Variants in GALNT17 observed in about 807,000 individuals in gnomAD.
GALNT17 encodes UDP-GalNAc:polypeptide N-acetylgalactosaminyltransferase-like 3.
Under a neutral mutation model 63.7 loss-of-function variants are expected in GALNT17, and 29 were observed. The observed-to-expected ratio is 0.46, with a 90% confidence interval of 0.34 to 0.62. The LOEUF (loss-of-function observed/expected upper bound fraction) is 0.62. Ranked by LOEUF, GALNT17 falls within the 20% of genes least tolerant of loss-of-function variation. GALNT17 has a pLI of 0.01. For synonymous variants in GALNT17, 305 were observed against 318.3 expected, an observed-to-expected ratio of 0.96 and a Z score of 0.45; for missense variants, 603 against 799.6, an observed-to-expected ratio of 0.75 and a Z score of 2.97.
intron 6 of GALNT17, among the ~76,000 whole-genome samples, chr7:71,655,280 T>C (rs1292477087): frequency 6.6e-6 from 1 of 151,970 alleles, no homozygotes; most frequent in Non-Finnish European, 1.5e-5. Context: ...AAGAAAAAGA[T>C]TCAAAAAACT....
chr7:71,146,318 A>G (rs541049767), intron 1 of GALNT17, among the ~76,000 whole-genome samples: 2 of 152,288 alleles, frequency 1.3e-5, no homozygotes, highest in East Asian at 1.9e-4. Flanking sequence ...GGCCAGTGCC[A>G]GTCTCGGGTC....
rs796135022 is a variant in GALNT17, at chr7:71,441,329, C to T, written c.962+20224C>T. ...GGAAGTCAATCATGAGTACCGATAT[C>T]AGAGCCTGCAGAGCCTTCTCTTCCA... On this transcript the variant is annotated intron_variant, in intron 5 of 10. Transcript: ENST00000333538. 2.8e-4 allele frequency among the ~76,000 whole-genome samples: 42 copies of T among 152,300 alleles called. 1 individual carries two copies. The highest frequency in any genetic ancestry group is 9.6e-4 in the African/African-American group (40 of 41,576).
At chr7:71,472,942 A>C (rs1215210411) in intron 5 of GALNT17, among the ~76,000 whole-genome samples, 3 of 152,184 alleles carry the variant, frequency 2.0e-5, no homozygotes, top group Admixed American at 2.0e-4. Context: ...GGTCCCAAGA[A>C]AGTGTGCCCA....
chr7:71,254,218 G>A (rs937811532), intron 1 of GALNT17, among the ~76,000 whole-genome samples: 8 of 152,188 alleles, frequency 5.3e-5, no homozygotes, highest in Non-Finnish European at 8.8e-5. Context: ...ATAGAAAGGA[G>A]CATTTGGGTT....
intron 6 of GALNT17, among the ~76,000 whole-genome samples, chr7:71,600,790 G>C (rs1268549430): frequency 1.3e-5 from 2 of 150,948 alleles, no homozygotes; most frequent in African/African-American, 4.9e-5. Context: ...ATAAGTTATT[G>C]GGGTACAGGT....
At chr7:71,574,255 C>T (rs1789499299) in intron 6 of GALNT17, among the ~76,000 whole-genome samples, 1 of 152,134 alleles carries the variant, frequency 6.6e-6, no homozygotes, top group Non-Finnish European at 1.5e-5. Context: ...TTTGGGGATT[C>T]CTCACTCCTT....
intron 6 of GALNT17, among the ~76,000 whole-genome samples, chr7:71,630,878 C>T (rs999716500): frequency 3.3e-5 from 5 of 152,202 alleles, no homozygotes; most frequent in Non-Finnish European, 7.3e-5. Context: ...AGATAGGCCA[C>T]GTCGTTAGAA....
intron 1 of GALNT17, among the ~76,000 whole-genome samples, chr7:71,182,981 TAGAAC>T (rs1198150773): frequency 6.6e-6 from 1 of 152,192 alleles, no homozygotes; most frequent in African/African-American, 2.4e-5. Context: ...AATTGTTTCT[TAGAAC>T]AGACCGTGTA....
chr7:71,260,150 G>T (rs1333469152), intron 1 of GALNT17, among the ~76,000 whole-genome samples: 3 of 152,126 alleles, frequency 2.0e-5, no homozygotes, highest in African/African-American at 7.2e-5. Context: ...CTAACTGCTG[G>T]TGCTACCTGA....
intron 1 of GALNT17, among the ~76,000 whole-genome samples, chr7:71,212,469 A>C (rs1585885083): frequency 6.6e-6 from 1 of 152,230 alleles, no homozygotes; most frequent in African/African-American, 2.4e-5. Flanking sequence ...TGGAGCCCCC[A>C]CACAGAGTCC....
intron 6 of GALNT17, among the ~76,000 whole-genome samples, chr7:71,657,442 A>G (rs1266577831): frequency 1.3e-5 from 2 of 152,210 alleles, no homozygotes; most frequent in Non-Finnish European, 2.9e-5. Flanking sequence ...TGAACCAGTC[A>G]TGTTGGCTTT....
intron 1 of GALNT17, among the ~76,000 whole-genome samples, chr7:71,225,843 T>G (rs541793492): frequency 6.6e-6 from 1 of 152,320 alleles, no homozygotes; most frequent in East Asian, 1.9e-4. Context: ...ATGCAGCCAT[T>G]AAACAATGAT....
At chr7:71,415,267 A>G (rs1583932326) in intron 3 of GALNT17, among the ~76,000 whole-genome samples, 1 of 152,278 alleles carries the variant, frequency 6.6e-6, no homozygotes, top group Admixed American at 6.5e-5. Context: ...TAGCCTCCCT[A>G]AGATTATGTC....
chr7:71,150,213 T>G (rs909024844), intron 1 of GALNT17, among the ~76,000 whole-genome samples: 1 of 152,132 alleles, frequency 6.6e-6, no homozygotes, highest in Non-Finnish European at 1.5e-5. Flanking sequence ...AGAACATGTT[T>G]TTTTCTTATG....
At chr7:71,323,525 G>A (rs1791652974) in intron 1 of GALNT17, among the ~76,000 whole-genome samples, 1 of 152,132 alleles carries the variant, frequency 6.6e-6, no homozygotes, top group African/African-American at 2.4e-5. Flanking sequence ...ATAACCTTTG[G>A]ACATCATGTC....
chr7:71,182,462 T>A (rs1480197973), intron 1 of GALNT17, among the ~76,000 whole-genome samples: 1 of 152,194 alleles, frequency 6.6e-6, no homozygotes, highest in Admixed American at 6.5e-5. Context: ...TTCACCTTTA[T>A]GCTCCAGGCC....
intron 1 of GALNT17, among the ~76,000 whole-genome samples, chr7:71,247,722 G>A (rs942695359): frequency 7.2e-5 from 11 of 152,124 alleles, no homozygotes; most frequent in African/African-American, 2.7e-4. Flanking sequence ...CTCCCAAAGT[G>A]CTGCGATTAC....
intron 6 of GALNT17, among the ~76,000 whole-genome samples, chr7:71,606,604 C>T (rs946209663): frequency 6.6e-6 from 1 of 152,096 alleles, no homozygotes; most frequent in African/African-American, 2.4e-5. Context: ...CTTATCTCTT[C>T]GTGGGCCAGA....
At chr7:71,301,656 C>G (rs541195131) in intron 1 of GALNT17, among the ~76,000 whole-genome samples, 2 of 151,854 alleles carry the variant, frequency 1.3e-5, no homozygotes, top group Admixed American at 6.6e-5. Context: ...TCATTTAGTA[C>G]TTTAATTTGG....
Sources: gnomAD v4.1 joint callset for allele counts (sites outside exome capture counted in the v4.1 genomes callset) on GRCh38, gnomAD v4.1.1 for gene constraint, MANE v1.5 for transcripts, NCBI Gene and HGNC (gene_info 2026-07-23, HGNC 2026-07-21) for gene names.